HMCN1: variants seen among roughly 807,000 people sequenced by gnomAD.
The protein encoded by HMCN1 is hemicentin 1.
A neutral mutation model predicts 625.9 loss-of-function variants in HMCN1; 321 were observed. That is an observed-to-expected ratio of 0.51 (90% CI 0.47 to 0.56). The LOEUF (loss-of-function observed/expected upper bound fraction) is 0.56. Among genes scored for constraint, HMCN1 ranks in the 20% least tolerant of loss-of-function variants. HMCN1 has a pLI of 0.00. For synonymous variants in HMCN1, 2,425 were observed against 2,417.6 expected (o/e 1.00, Z -0.09); for missense variants, 6,588 against 6,887.3 (o/e 0.96, Z 1.54).
chr1:186,034,990 T>C (rs1655723367), intron 36 of HMCN1, among the ~76,000 whole-genome samples: 1 of 152,208 alleles, frequency 6.6e-6, no homozygotes, highest in South Asian at 2.1e-4. Flanking sequence ...TAGTGTTTTA[T>C]TGCAGCAGCG....
rs199987140 is a variant in HMCN1, at chr1:186,065,322, G to A, written c.7598G>A (p.Arg2533His). Residue 2533 changes from arginine (R) to histidine (H), a missense_variant, in exon 49 of 107, where the codon CGT becomes CAT. By Grantham distance (29) the Arg-to-His change is conservative (BLOSUM62 0). Coordinates refer to ENST00000271588, the MANE Select transcript of HMCN1 (RefSeq NM_031935.3). ...DEAHHIISGGRFLQITNVQVP... is the reference protein window; with the variant it reads ...DEAHHIISGGHFLQITNVQVP... ...GCCCATCACATTATATCTGGTGGCC[G>A]TTTTCTTCAAATTACCAATGTCCAG... The A allele has an allele frequency of 4.1e-5, 66 of 1,612,490 alleles. No homozygotes were observed. The highest frequency in any genetic ancestry group is 1.9e-4 in the Middle Eastern group (1 of 5,392).
rs1221543238 is a variant in HMCN1 at position 186,053,017 on chromosome 1, A to G, written c.6643A>G (p.Ser2215Gly). ...TACAGTCATTGAAGGGAATCTCATT[A>G]GTCTGTTGTGTGAATCAAGTGGTAT... ...QLTVIEGNLI[S>G]LLCESSGIPP... Residue 2215 changes from serine to glycine, a missense_variant, in exon 43 of 107, where the codon AGT becomes GGT. Physicochemically the swap from Ser to Gly is moderately conservative, Grantham distance 56. Around this residue, in one of 3 missense-constraint regions of HMCN1, gnomAD observed 4,628 missense variants for 4,853.1 expected, o/e 0.95. Transcript: ENST00000271588. 1 of 1,608,282 alleles carries G rather than the reference A, an allele frequency of 6.2e-7. No individual in the cohort carries two copies. Among genetic ancestry groups the G allele is most frequent in the African/African-American group, 1.3e-5 (1 of 74,856 alleles).
chr1:185,883,499 G>T (rs1313207200), intron 4 of HMCN1, among the ~76,000 whole-genome samples: 1 of 151,754 alleles, frequency 6.6e-6, no homozygotes, highest in Non-Finnish European at 1.5e-5. Flanking sequence ...TCATATAAAT[G>T]GAAATTTTTG....
At chr1:185,873,094 A>G (rs1663722339) in intron 4 of HMCN1, among the ~76,000 whole-genome samples, 1 of 152,222 alleles carries the variant, frequency 6.6e-6, no homozygotes, top group Admixed American at 6.5e-5. Flanking sequence ...CATGCTTTCA[A>G]CAGGACCAAA....
In HMCN1 at chr1:186,055,578, C is replaced by A. The variant is rs201628935; in HGVS notation, c.7048C>A (p.Leu2350Met). 817 of 1,612,782 alleles carry A rather than the reference C, an allele frequency of 5.1e-4. 5 individuals are homozygous for A. The Middle Eastern group carries it at 0.016, about 31-fold the overall frequency. Residue 2350 changes from leucine to methionine, a missense_variant, in exon 45 of 107, where the codon CTG becomes ATG. Leu to Met is a conservative substitution (Grantham distance 15, BLOSUM62 2). This residue lies in a region of HMCN1 where 4,628 missense variants were observed against 4,853.1 expected (regional missense o/e 0.95). Transcript: ENST00000271588. The stretch of plus-strand genomic sequence containing the variant: ...ACTGGATGAAGGTCACATCCTTCAG[C>A]TGAAGAACATTCATGTATCTGACAC... ...EILDEGHILQ[L>M]KNIHVSDTGR...
intron 1 of HMCN1, among the ~76,000 whole-genome samples, chr1:185,815,900 T>G (rs1383252048): frequency 2.7e-5 from 4 of 150,132 alleles, no homozygotes; most frequent in Non-Finnish European, 5.9e-5. Context: ...TACTCCATAC[T>G]TGATAATGCT....
rs985804430 is a variant in HMCN1, at chr1:186,151,315, A to T, written c.14724A>T (p.Ile4908=). Residue 4908 remains isoleucine, a synonymous_variant, in exon 94 of 107, where the codon ATA becomes ATT. Transcript: ENST00000271588. ...GCCCTAACTCTGATACTAGAATAATACGTGCCAAAATTACCAATGTACCTC... is the reference window on the plus strand; with the variant it reads ...GCCCTAACTCTGATACTAGAATAATTCGTGCCAAAATTACCAATGTACCTC... ...TDSPNSDTRI[I]RAKITNVPRS... 6.2e-7 allele frequency: 1 copy of T among 1,613,692 alleles called. No individual in the cohort carries two copies. Among genetic ancestry groups the T allele is most frequent in the Non-Finnish European group, 8.5e-7 (1 of 1,179,740 alleles).
intron 95 of HMCN1, 55 bp from the exon 96 acceptor site, chr1:186,152,695 T>C: frequency 6.2e-7 from 1 of 1,610,462 alleles, no homozygotes; most frequent in Non-Finnish European, 8.5e-7. Context: ...ATCTGCTCTG[T>C]GCTTACAGAA....
chr1:186,115,345 C>A lies in HMCN1; in HGVS notation c.11492C>A (p.Pro3831Gln), dbSNP rs764126721. 2.5e-6 allele frequency: 4 copies of A among 1,613,810 alleles called. No homozygotes were observed. The South Asian group carries it at 3.3e-5, about 13-fold the overall frequency. Residue 3831 changes from proline to glutamine, a missense_variant, in exon 75 of 107, where the codon CCA becomes CAA. Pro to Gln is a moderately conservative substitution (Grantham distance 76). Coordinates refer to ENST00000271588, the MANE Select transcript of HMCN1 (RefSeq NM_031935.3). ...TTLACEATGI[P>Q]KPSINWRKNG... ...CTGGCTTGTGAGGCTACTGGGATAC[C>A]AAAACCATCAATCAATTGGAGAAAA...
chr1:185,745,316 A>G (rs945207814), intron 1 of HMCN1, among the ~76,000 whole-genome samples: 1 of 152,240 alleles, frequency 6.6e-6, no homozygotes, highest in Non-Finnish European at 1.5e-5. Flanking sequence ...AGTTCATTCT[A>G]TACTTGAATA....
intron 23 of HMCN1, 21 bp downstream of exon 23, chr1:185,993,330 A>T (rs753215794): frequency 3.7e-5 from 59 of 1,611,592 alleles, no homozygotes; most frequent in Non-Finnish European, 5.0e-5. Context: ...AAATGAGAAC[A>T]TATGACAACC....
rs751945244 is a variant in HMCN1 at position 186,086,339 on chromosome 1, C to A, written c.8978C>A (p.Pro2993His). 2.5e-6 allele frequency: 4 copies of A among 1,613,336 alleles called. No individual in the cohort carries two copies. The highest frequency in any genetic ancestry group is 3.3e-5 in the Admixed American group (2 of 59,898). Reference sequence around the variant, plus strand: ...ACCTGTGAGGTCTCTGGTTTTCCACCTCCTGACCTCAGCTGGCTCAAGAAT... The same window carrying A: ...ACCTGTGAGGTCTCTGGTTTTCCACATCCTGACCTCAGCTGGCTCAAGAAT... ...SLTCEVSGFP[P>H]PDLSWLKNEQ... The change falls in exon 58 of 107, where the codon CCT (proline) becomes CAT (histidine). Residue 2993 changes from proline (P) to histidine (H), a missense_variant. By Grantham distance (77) the Pro-to-His change is moderately conservative. This residue lies in a region of HMCN1 where 4,628 missense variants were observed against 4,853.1 expected (regional missense o/e 0.95). Coordinates refer to ENST00000271588, the MANE Select transcript of HMCN1 (RefSeq NM_031935.3).
At position 185,967,419 on chromosome 1, in the gene HMCN1, G is replaced by A. The variant is rs536857541; in HGVS notation, c.2212+1504G>A. 7.4e-4 allele frequency among the ~76,000 whole-genome samples: 113 copies of A among 152,136 alleles called. 1 individual carries two copies. Among genetic ancestry groups the A allele is most frequent in the African/African-American group, 1.6e-3 (66 of 41,498 alleles). On this transcript the variant is annotated intron_variant, in intron 14 of 106. Transcript: ENST00000271588. ...TCTTATCTCAACTATAGATATTACCGCTCAGTGGGTTCAATAATCTATCAT... is the reference window on the plus strand; with the variant it reads ...TCTTATCTCAACTATAGATATTACCACTCAGTGGGTTCAATAATCTATCAT...
intron 83 of HMCN1, 91 bp downstream of exon 83, chr1:186,128,382 G>C: frequency 9.4e-7 from 1 of 1,063,726 alleles, no homozygotes; most frequent in Non-Finnish European, 1.4e-6. Context: ...AAATTGAAAA[G>C]TAACAAGAAT....
chr1:186,166,417 CAACA>C (rs1338071228), intron 99 of HMCN1, 114 bp downstream of exon 99: 32 of 1,333,090 alleles, frequency 2.4e-5, no homozygotes, highest in Admixed American at 3.8e-5. Flanking sequence ...CACACCTTGG[CAACA>C]AACAAAGAAG....
intron 56 of HMCN1, among the ~76,000 whole-genome samples, chr1:186,082,390 A>C (rs139561357): frequency 9.2e-5 from 14 of 152,298 alleles, no homozygotes; most frequent in Admixed American, 3.3e-4. Context: ...TTCCTCCCCA[A>C]GTGATCTCTA....
At chr1:185,769,485 T>C (rs1656085897) in intron 1 of HMCN1, among the ~76,000 whole-genome samples, 1 of 151,926 alleles carries the variant, frequency 6.6e-6, no homozygotes, top group Admixed American at 6.6e-5. Flanking sequence ...TATGTTTGGA[T>C]AAAAAGAAAG....
intron 40 of HMCN1, among the ~76,000 whole-genome samples, chr1:186,043,925 A>G (rs1373422286): frequency 6.6e-6 from 1 of 151,990 alleles, no homozygotes; most frequent in Admixed American, 6.5e-5. Context: ...CAACAGCAAC[A>G]AAAAAATTAG....
chr1:186,057,170 T>C, intron 45 of HMCN1, 64 bp from the exon 46 acceptor site: 1 of 1,255,956 alleles, frequency 8.0e-7, no homozygotes, highest in Non-Finnish European at 1.2e-6. Context: ...CAACATCAGG[T>C]ATATCAAATG....
Sources: allele counts gnomAD v4.1 joint callset (sites outside exome capture counted in the v4.1 genomes callset), GRCh38; gene constraint gnomAD v4.1.1; regional missense constraint gnomAD v4.1.1; transcripts MANE v1.5; gene names NCBI Gene and HGNC (gene_info 2026-07-23, HGNC 2026-07-21).